The following SMYD3 variants were observed in gnomAD, a reference collection of about 807,000 sequenced individuals.
The protein encoded by SMYD3 is histone-lysine N-methyltransferase SMYD3.
A neutral mutation model predicts 57.7 loss-of-function variants in SMYD3; 36 were observed. That is an observed-to-expected ratio of 0.62 (90% CI 0.48 to 0.82). SMYD3 has a LOEUF of 0.82. SMYD3 is among the 40% of genes least tolerant of loss of function. The pLI, the probability that SMYD3 is intolerant of heterozygous loss-of-function variation, is 0.00. For missense variants in SMYD3, 515 were observed against 538.8 expected, an observed-to-expected ratio of 0.96 and a Z score of 0.44; for synonymous variants, 211 against 195.0, an observed-to-expected ratio of 1.08 and a Z score of -0.68.
At chr1:246,252,511 C>CT (rs2148502441) in intron 5 of SMYD3, among the ~76,000 whole-genome samples, 1 of 152,180 alleles carries the variant, frequency 6.6e-6, no homozygotes, top group South Asian at 2.1e-4. Context: ...TGCACTGACT[C>CT]TAAAATATTA....
intron 5 of SMYD3, among the ~76,000 whole-genome samples, chr1:245,979,993 C>A (rs140321527): frequency 6.6e-6 from 1 of 152,380 alleles, no homozygotes; most frequent in East Asian, 1.9e-4. Context: ...GGACATCGCA[C>A]GCTAGCCCTG....
At chr1:246,033,497 C>G (rs1197162613) in intron 5 of SMYD3, among the ~76,000 whole-genome samples, 1 of 152,098 alleles carries the variant, frequency 6.6e-6, no homozygotes, top group Non-Finnish European at 1.5e-5. Flanking sequence ...GTCAAAACAT[C>G]AATGTTCTGG....
At chr1:246,331,351 G>T (rs1323748228) in intron 3 of SMYD3, among the ~76,000 whole-genome samples, 1 of 152,216 alleles carries the variant, frequency 6.6e-6, no homozygotes, top group African/African-American at 2.4e-5. Flanking sequence ...AATTATGTAT[G>T]TGTATCTTCC....
At chr1:246,449,304 T>C (rs1051118914) in intron 1 of SMYD3, among the ~76,000 whole-genome samples, 7 of 152,352 alleles carry the variant, frequency 4.6e-5, no homozygotes, top group South Asian at 2.1e-4. Context: ...ATTGAATAGA[T>C]GGTGGTGGAT....
intron 1 of SMYD3, among the ~76,000 whole-genome samples, chr1:246,471,354 A>G (rs773036429): frequency 2.4e-4 from 36 of 151,866 alleles, no homozygotes; most frequent in Non-Finnish European, 5.1e-4. Context: ...ACATGCCACT[A>G]CTCCCAGTTA....
chr1:246,283,840 G>A (rs2064501186), intron 5 of SMYD3, among the ~76,000 whole-genome samples: 1 of 152,112 alleles, frequency 6.6e-6, no homozygotes, highest in Non-Finnish European at 1.5e-5. Context: ...GCACTTGCCA[G>A]CTTTCACAGC....
chr1:245,865,351 G>A (rs191770258), intron 8 of SMYD3, among the ~76,000 whole-genome samples: 2 of 152,262 alleles, frequency 1.3e-5, no homozygotes, highest in East Asian at 1.9e-4. Context: ...AAAAACCAAC[G>A]AAAAGTAGGT....
chr1:246,012,031 T>C (rs1572889442), intron 5 of SMYD3, among the ~76,000 whole-genome samples: 1 of 152,150 alleles, frequency 6.6e-6, no homozygotes, highest in African/African-American at 2.4e-5. Context: ...GTACTGGCTG[T>C]CAATATCATT....
chr1:245,771,644 G>A (rs2046342499), intron 10 of SMYD3, among the ~76,000 whole-genome samples: 1 of 152,172 alleles, frequency 6.6e-6, no homozygotes, highest in Non-Finnish European at 1.5e-5. Flanking sequence ...AGGTCTTAAA[G>A]CAAATGTAGA....
chr1:246,327,348 G>T lies in SMYD3; in HGVS notation c.395-11C>A. ...TCAGTTTGTTAATATCTTTTTTAAA[G>T]AGAAAATAAATAGCACAATCTCAAA... On this transcript the variant is annotated splice_polypyrimidine_tract_variant and intron_variant, in intron 4 of 11. Coordinates refer to ENST00000490107, the MANE Select transcript of SMYD3 (RefSeq NM_001167740.2). The T allele has an allele frequency of 6.2e-7, 1 of 1,605,360 alleles. No individual in the cohort carries two copies. The highest frequency in any genetic ancestry group is 8.5e-7 in the Non-Finnish European group (1 of 1,176,562).
intron 10 of SMYD3, among the ~76,000 whole-genome samples, chr1:245,778,680 A>G (rs1358518453): frequency 1.3e-5 from 2 of 152,246 alleles, no homozygotes; most frequent in Admixed American, 1.3e-4. Context: ...TGATGAGGCC[A>G]TGAACTCAAA....
chr1:245,773,891 G>C (rs2046434012), intron 10 of SMYD3, among the ~76,000 whole-genome samples: 1 of 152,132 alleles, frequency 6.6e-6, no homozygotes, highest in Admixed American at 6.5e-5. Flanking sequence ...ATATCATTCA[G>C]ATCATTCCTC....
At chr1:246,465,667 A>G (rs958937672) in intron 1 of SMYD3, among the ~76,000 whole-genome samples, 4 of 152,222 alleles carry the variant, frequency 2.6e-5, no homozygotes, top group African/African-American at 7.2e-5. Context: ...GTGAGACCAT[A>G]TGTCTACAAA....
intron 5 of SMYD3, among the ~76,000 whole-genome samples, chr1:246,311,417 T>C (rs972103898): frequency 3.3e-5 from 5 of 152,228 alleles, no homozygotes; most frequent in Non-Finnish European, 5.9e-5. Flanking sequence ...AGCAAACTCA[T>C]ATAGATATCT....
At chr1:246,037,874 T>C (rs2059803421) in intron 5 of SMYD3, among the ~76,000 whole-genome samples, 1 of 152,230 alleles carries the variant, frequency 6.6e-6, no homozygotes, top group African/African-American at 2.4e-5. Flanking sequence ...AACTCCTTAT[T>C]CATCAGAGCA....
At chr1:246,095,847 G>A (rs2060903897) in intron 5 of SMYD3, among the ~76,000 whole-genome samples, 1 of 152,086 alleles carries the variant, frequency 6.6e-6, no homozygotes, top group South Asian at 2.1e-4. Flanking sequence ...TTACACCCCA[G>A]CCTAAGCAAC....
At chr1:246,130,708 T>G (rs1017572609) in intron 5 of SMYD3, among the ~76,000 whole-genome samples, 1 of 152,222 alleles carries the variant, frequency 6.6e-6, no homozygotes, top group Non-Finnish European at 1.5e-5. Context: ...CTGACCTTTT[T>G]GTAAGAGACC....
chr1:245,944,665 G>T (rs978515078), intron 5 of SMYD3, among the ~76,000 whole-genome samples: 1 of 152,096 alleles, frequency 6.6e-6, no homozygotes, highest in African/African-American at 2.4e-5. Context: ...GGAACCAAAA[G>T]AGAGCCTGTA....
chr1:245,892,097 C>A (rs2053422841), intron 8 of SMYD3, among the ~76,000 whole-genome samples: 1 of 151,928 alleles, frequency 6.6e-6, no homozygotes, highest in Admixed American at 6.6e-5. Context: ...TGGAACCAAA[C>A]CAAACAAGAG....
Sources: gnomAD v4.1 joint callset for allele counts (sites outside exome capture counted in the v4.1 genomes callset) on GRCh38, gnomAD v4.1.1 for gene constraint, MANE v1.5 for transcripts, NCBI Gene and HGNC (gene_info 2026-07-23, HGNC 2026-07-21) for gene names.